Variants in CCDC141 observed in about 807,000 individuals in gnomAD.
CCDC141 encodes the protein coiled-coil domain-containing protein 141.
CCDC141 carries 168 observed loss-of-function variants against 181.0 expected under a neutral mutation model. The observed-to-expected ratio is 0.93, with a 90% confidence interval of 0.82 to 1.05. The LOEUF (loss-of-function observed/expected upper bound fraction) is 1.05. Ranked by LOEUF, CCDC141 falls within the 50% of genes least tolerant of loss-of-function variation. The probability of loss-of-function intolerance (pLI) is 0.00; values close to 1 mark genes in which losing one functional copy is unlikely to be tolerated. For synonymous variants in CCDC141, 666 were observed against 642.3 expected, an observed-to-expected ratio of 1.04 and a Z score of -0.56; for missense variants, 1,902 against 1,788.5, an observed-to-expected ratio of 1.06 and a Z score of -1.14.
At chr2:179,007,700 C>T (rs1359490961) in intron 2 of CCDC141, among the ~76,000 whole-genome samples, 1 of 152,160 alleles carries the variant, frequency 6.6e-6, no homozygotes, top group Non-Finnish European at 1.5e-5. Context: ...AATAAAACCT[C>T]AACTAATGAA....
At chr2:179,045,563 T>A (rs978399609) in intron 2 of CCDC141, among the ~76,000 whole-genome samples, 18 of 151,972 alleles carry the variant, frequency 1.2e-4, no homozygotes, top group African/African-American at 3.4e-4. Context: ...TATTTCTAGT[T>A]CTAGATCCCT....
intron 16 of CCDC141, 59 bp from the exon 17 acceptor site, chr2:178,865,975 G>T: frequency 7.8e-7 from 1 of 1,283,436 alleles, no homozygotes. Flanking sequence ...AAGACGAGTA[G>T]GCTATTTACC....
intron 2 of CCDC141, among the ~76,000 whole-genome samples, chr2:179,015,131 CATA>C (rs2042426389): frequency 3.4e-5 from 2 of 59,472 alleles, no homozygotes; most frequent in Non-Finnish European, 3.1e-5. Flanking sequence ...ATATATATAT[CATA>C]TCATATATAT....
At chr2:178,850,916 ATCT>A (rs911662786) in intron 20 of CCDC141, among the ~76,000 whole-genome samples, 10 of 152,284 alleles carry the variant, frequency 6.6e-5, no homozygotes, top group East Asian at 5.8e-4. Context: ...TGCTCAAAAG[ATCT>A]TCTTGCCTCG....
At position 178,834,282 on chromosome 2, in the gene CCDC141, A is replaced by T; in HGVS notation, c.4484T>A (p.Ile1495Asn). ...NSSGALSSNV[I>N]LHVTGNCRLP... is the part of the protein sequence containing the mutation. The stretch of plus-strand genomic sequence containing the variant: ...CCTGCAGTTACCTGTCACGTGGAGG[A>T]TGACATTGGAAGAGAGAGCGCCGCT... The change falls in exon 24 of 24, where the codon ATC (isoleucine) becomes AAC (asparagine). Residue 1495 changes from isoleucine to asparagine, a missense_variant. By Grantham distance (149) the Ile-to-Asn change is moderately radical (BLOSUM62 -3). Transcript: ENST00000443758. 6.5e-7 allele frequency: 1 copy of T among 1,536,070 alleles called. No individual in the cohort carries two copies. The highest frequency in any genetic ancestry group is 1.4e-5 in the African/African-American group (1 of 73,152).
At chr2:178,860,757 G>C (rs961914788) in intron 17 of CCDC141, among the ~76,000 whole-genome samples, 1 of 151,684 alleles carries the variant, frequency 6.6e-6, no homozygotes, top group African/African-American at 2.4e-5. Context: ...CTTGAGGCCA[G>C]CCGCTAGCGG....
intron 5 of CCDC141, among the ~76,000 whole-genome samples, chr2:178,954,099 A>G (rs1333182988): frequency 6.6e-6 from 1 of 152,194 alleles, no homozygotes; most frequent in Admixed American, 6.5e-5. Flanking sequence ...GTCTGCCCTC[A>G]TGTCTTAATT....
chr2:179,009,393 C>G (rs961208444), intron 2 of CCDC141, among the ~76,000 whole-genome samples: 10 of 152,100 alleles, frequency 6.6e-5, no homozygotes, highest in East Asian at 1.9e-4. Flanking sequence ...TGGGTATGCT[C>G]TCTCAGAGGG....
At chr2:178,909,724 T>C (rs1195388267) in intron 7 of CCDC141, among the ~76,000 whole-genome samples, 3 of 152,146 alleles carry the variant, frequency 2.0e-5, no homozygotes, top group East Asian at 1.9e-4. Flanking sequence ...GAACCTGATA[T>C]ATCGGACCCA....
chr2:178,869,331 AT>A (rs1686003310), intron 14 of CCDC141, 26 bp from the exon 15 acceptor site: 2 of 1,550,244 alleles, frequency 1.3e-6, no homozygotes, highest in Non-Finnish European at 1.7e-6. Flanking sequence ...CAATAAAAAA[AT>A]CTTGCTATTA....
At chr2:178,839,097 G>C (rs1684611112) in intron 22 of CCDC141, among the ~76,000 whole-genome samples, 1 of 152,088 alleles carries the variant, frequency 6.6e-6, no homozygotes, top group African/African-American at 2.4e-5. Context: ...TCCTGCTGTT[G>C]ATATACATTT....
chr2:178,952,651 C>G (rs1258576552), intron 5 of CCDC141, among the ~76,000 whole-genome samples: 2 of 152,336 alleles, frequency 1.3e-5, no homozygotes, highest in Middle Eastern at 3.4e-3. Context: ...CAAATACTAT[C>G]AGATCCTTTG....
intron 6 of CCDC141, among the ~76,000 whole-genome samples, chr2:178,940,903 T>C (rs189131470): frequency 7.4e-4 from 112 of 152,366 alleles, no homozygotes; most frequent in African/African-American, 2.5e-3. Context: ...TAATTGATAC[T>C]GAAATGTACA....
At chr2:178,920,063 G>A (rs1314147875) in intron 6 of CCDC141, among the ~76,000 whole-genome samples, 1 of 152,164 alleles carries the variant, frequency 6.6e-6, no homozygotes, top group African/African-American at 2.4e-5. Flanking sequence ...CAAGTTTCTT[G>A]CAAAAGTCCT....
At chr2:178,950,215 C>T (rs942175920) in intron 5 of CCDC141, among the ~76,000 whole-genome samples, 1 of 152,228 alleles carries the variant, frequency 6.6e-6, no homozygotes, top group Non-Finnish European at 1.5e-5. Flanking sequence ...GACAGTCTCT[C>T]TGGCAATTAC....
intron 8 of CCDC141, among the ~76,000 whole-genome samples, chr2:178,893,765 T>C (rs1687264392): frequency 6.6e-6 from 1 of 151,716 alleles, no homozygotes; most frequent in South Asian, 2.1e-4. Flanking sequence ...CTATATACTT[T>C]GAAAATTTCT....
chr2:178,959,521 G>A (rs865846411), intron 5 of CCDC141, among the ~76,000 whole-genome samples: 8 of 152,062 alleles, frequency 5.3e-5, no homozygotes, highest in Non-Finnish European at 7.4e-5. Flanking sequence ...AAGTTGTTTC[G>A]TGTCCTGAGG....
At chr2:179,044,380 G>T (rs1194899776) in intron 2 of CCDC141, among the ~76,000 whole-genome samples, 1 of 152,200 alleles carries the variant, frequency 6.6e-6, no homozygotes, top group Non-Finnish European at 1.5e-5. Context: ...GATGCTGGAG[G>T]CATCACTCTA....
At chr2:178,873,628 AG>A (rs1558945291) in intron 12 of CCDC141, 1 of 152,212 alleles carries the variant, frequency 6.6e-6, no homozygotes, top group East Asian at 1.9e-4. Context: ...TAGGATTTGT[AG>A]ATGTCTAGCT....
Sources: gnomAD v4.1 joint callset for allele counts (sites outside exome capture counted in the v4.1 genomes callset) on GRCh38, gnomAD v4.1.1 for gene constraint, MANE v1.5 for transcripts, NCBI Gene and HGNC (gene_info 2026-07-23, HGNC 2026-07-21) for gene names.